Variants in MROH2A observed in about 807,000 individuals in gnomAD.
MROH2A encodes the protein maestro heat like repeat family member 2A.
In MROH2A, 174 loss-of-function variants were observed where a neutral mutation model predicts 200.4. The observed-to-expected ratio is 0.87, with a 90% CI of 0.77 to 0.98. MROH2A has a LOEUF of 0.98. Ranked by LOEUF, MROH2A falls within the 50% of genes least tolerant of loss-of-function variation. The pLI, the probability that MROH2A is intolerant of heterozygous loss-of-function variation, is 0.00. For missense variants in MROH2A, 2,045 were observed against 2,139.6 expected (o/e 0.96, Z 0.87); for synonymous variants, 829 against 840.4 (o/e 0.99, Z 0.23).
intron 29 of MROH2A, 96 bp from the exon 30 acceptor site, chr2:233,819,221 C>T: frequency 2.4e-6 from 3 of 1,263,630 alleles, no homozygotes; most frequent in South Asian, 1.5e-5. Context: ...GGATAGGAGC[C>T]TGGAGTGGGG....
In MROH2A at chr2:233,819,446, C is replaced by A. The variant is rs1459171874; in HGVS notation, c.3334C>A (p.Arg1112=). ...VTWIAFFLQM[R]AKELEDKVAE... is the part of the protein sequence containing the mutation. ...CTGGATAGCCTTCTTCCTCCAGATG[C>A]GGGCCAAGGAGCTGGAGGACAAGGT... is the stretch of plus-strand genomic sequence containing the variant. Residue 1112 remains arginine (R), a synonymous_variant, in exon 30 of 42, where the codon CGG becomes AGG. Coordinates refer to ENST00000389758, the MANE Select transcript of MROH2A (RefSeq NM_001394639.1). 6.5e-6 allele frequency: 10 copies of A among 1,550,246 alleles called. No individual in the cohort carries two copies. Among genetic ancestry groups the A allele is most frequent in the Non-Finnish European group, 8.7e-6 (10 of 1,146,930 alleles).
intron 3 of MROH2A, among the ~76,000 whole-genome samples, chr2:233,782,751 T>C (rs1176944174): frequency 6.6e-6 from 1 of 152,168 alleles, no homozygotes; most frequent in Non-Finnish European, 1.5e-5. Context: ...CAGTATTATG[T>C]TGAAGAGCAG....
intron 19 of MROH2A, among the ~76,000 whole-genome samples, chr2:233,806,637 G>A (rs1575965016): frequency 6.6e-6 from 1 of 152,138 alleles, no homozygotes; most frequent in African/African-American, 2.4e-5. Flanking sequence ...GGAGTAGGTG[G>A]AGAAATTGGT....
intron 31 of MROH2A, among the ~76,000 whole-genome samples, chr2:233,821,563 C>G (rs548221281): frequency 2.6e-4 from 39 of 152,250 alleles, no homozygotes; most frequent in Non-Finnish European, 5.3e-4. Flanking sequence ...GCCCCGCTCT[C>G]TGTGCCTCTG....
chr2:233,791,967 C>T lies in MROH2A; in HGVS notation c.572-829C>T, dbSNP rs535378149. Among the ~76,000 whole-genome samples the T allele has an allele frequency of 2.0e-5, 3 of 152,170 alleles. No homozygotes were observed. The South Asian group carries it at 6.2e-4, about 32-fold the overall frequency. On this transcript the variant is annotated intron_variant, in intron 5 of 41. Transcript: ENST00000389758. Reference sequence around the variant, plus strand: ...GTGGGTGAAGTGGAGGGGCCTGCCTCCTGTTGCAGGGTGGCCTGTTACGGC... The same window carrying T: ...GTGGGTGAAGTGGAGGGGCCTGCCTTCTGTTGCAGGGTGGCCTGTTACGGC...
In MROH2A at chr2:233,789,762, C is replaced by T. The variant is rs1314245153; in HGVS notation, c.409-90C>T. The T allele has an allele frequency of 7.4e-6, 11 of 1,484,272 alleles. No homozygotes were observed. The East Asian group carries it at 2.2e-4, about 30-fold the overall frequency. The allele number at this position is 1,484,272 out of a possible 1,614,324, so 91.9% of individuals were successfully genotyped here. On this transcript the variant is annotated intron_variant, in intron 4 of 41. Transcript: ENST00000389758. ...GGGGTAAGGCTGAGCCCAAGGGAACCAGGAGGGGTGGAGAGAGCCTGGGGT... is the reference window on the plus strand; with the variant it reads ...GGGGTAAGGCTGAGCCCAAGGGAACTAGGAGGGGTGGAGAGAGCCTGGGGT...
In MROH2A at chr2:233,818,843, C is replaced by A. The variant is rs1282073977; in HGVS notation, c.3204+73C>A. 5.2e-6 allele frequency: 5 copies of A among 953,776 alleles called. No homozygotes were observed. The East Asian group carries it at 1.3e-4, about 25-fold the overall frequency. 59.1% of individuals were successfully genotyped at this position (953,776 alleles called of 1,614,324 possible). On this transcript the variant is annotated intron_variant, in intron 29 of 41. Transcript: ENST00000389758. Reference sequence around the variant, plus strand: ...CTTGGCCGTCTCTCAGGGAGGGAGGCCTTCCTGGGCTGGCCTCACAGCCCA... The same window carrying A: ...CTTGGCCGTCTCTCAGGGAGGGAGGACTTCCTGGGCTGGCCTCACAGCCCA...
chr2:233,811,058 T>C lies in MROH2A; in HGVS notation c.2571+142T>C, dbSNP rs6731478. On this transcript the variant is annotated intron_variant, in intron 23 of 41. Transcript: ENST00000389758. ...TGTCTTGGCTCTGCTTTGTCCTAACTGTAGGAGTTCTGAGAATGATTTTTG... is the reference window on the plus strand; with the variant it reads ...TGTCTTGGCTCTGCTTTGTCCTAACCGTAGGAGTTCTGAGAATGATTTTTG... The C allele has an allele frequency of 7.1e-3, 6,682 of 937,448 alleles. 290 individuals are homozygous for C. The African/African-American group carries it at 0.1, about 14-fold the overall frequency. The allele number at this position is 937,448 out of a possible 1,614,324, so 58.1% of individuals were successfully genotyped here.
At position 233,796,308 on chromosome 2, in the gene MROH2A, C is replaced by G. The variant is rs1702106731; in HGVS notation, c.1247C>G (p.Ala416Gly). The stretch of plus-strand genomic sequence containing the variant: ...AATCTGATTAGGGCTATAGTGAGCG[C>G]AGATGGTGAGCAAGGCAGGGTGGGT... ...TLNLIRAIVS[A>G]DEPRMSIRAI... The change falls in exon 11 of 42, where the codon GCA (alanine) becomes GGA (glycine). Residue 416 changes from alanine (A) to glycine (G), a missense_variant. By Grantham distance (60) the Ala-to-Gly change is moderately conservative. Coordinates refer to ENST00000389758, the MANE Select transcript of MROH2A (RefSeq NM_001394639.1). 6 of 847,996 alleles carry G rather than the reference C, an allele frequency of 7.1e-6. No individual in the cohort carries two copies. Among genetic ancestry groups the G allele is most frequent in the Non-Finnish European group, 9.7e-6 (6 of 621,166 alleles). 52.5% of individuals were successfully genotyped at this position (847,996 alleles called of 1,614,324 possible).
At chr2:233,792,718 A>G in intron 5 of MROH2A, 78 bp from the exon 6 acceptor site, 1 of 880,708 alleles carries the variant, frequency 1.1e-6, no homozygotes, top group Non-Finnish European at 1.8e-6. Flanking sequence ...GGTGGAGGGC[A>G]GCAGGGTTGT....
chr2:233,795,626 C>G, intron 8 of MROH2A, 27 bp from the exon 9 acceptor site: 1 of 1,550,828 alleles, frequency 6.4e-7, no homozygotes, highest in Non-Finnish European at 8.7e-7. Context: ...AGAAGGTCAC[C>G]TGCCACCATT....
At chr2:233,808,153 A>C (rs923534479) in intron 21 of MROH2A, among the ~76,000 whole-genome samples, 2 of 152,078 alleles carry the variant, frequency 1.3e-5, no homozygotes, top group Non-Finnish European at 2.9e-5. Context: ...CTGGGTGCTG[A>C]TTGGAAATGT....
At chr2:233,805,885 G>T (rs570378744) in intron 19 of MROH2A, among the ~76,000 whole-genome samples, 1 of 152,212 alleles carries the variant, frequency 6.6e-6, no homozygotes, top group African/African-American at 2.4e-5. Context: ...AATGAAATTG[G>T]ATATCTTCCT....
intron 16 of MROH2A, 38 bp from the exon 17 acceptor site, chr2:233,804,013 C>T (rs1451361459): frequency 6.5e-7 from 1 of 1,545,348 alleles, no homozygotes. Flanking sequence ...GAGCAAGGTG[C>T]TCAGGTGCTA....
At position 233,795,733 on chromosome 2, in the gene MROH2A, A is replaced by G; in HGVS notation, c.1047A>G (p.Glu349=). ...TGCAGCTACACACCATTTTCACAGA[A>G]CTGCACGTCCAGGTGAGGCCAGCAA... The part of the protein sequence containing the change: ...PQMQLHTIFT[E]LHVQVCNKAP... Residue 349 remains glutamate, a synonymous_variant, in exon 9 of 42, where the codon GAA becomes GAG. Coordinates refer to ENST00000389758, the MANE Select transcript of MROH2A (RefSeq NM_001394639.1). 2 of 1,551,064 alleles carry G rather than the reference A, an allele frequency of 1.3e-6. No homozygotes were observed. Among genetic ancestry groups the G allele is most frequent in the Non-Finnish European group, 1.7e-6 (2 of 1,147,080 alleles).
rs1160702709 is a variant in MROH2A at position 233,828,881 on chromosome 2, C to A, written c.4264-9C>A. 2.6e-6 allele frequency: 4 copies of A among 1,550,354 alleles called. No homozygotes were observed. In the South Asian group the frequency reaches 4.8e-5, roughly 18 times the overall value. On this transcript the variant is annotated splice_polypyrimidine_tract_variant and intron_variant, in intron 36 of 41. Coordinates refer to ENST00000389758, the MANE Select transcript of MROH2A (RefSeq NM_001394639.1). The surrounding 1 kb of genome is among the most constrained non-coding windows in gnomAD (Gnocchi z 4.6). The stretch of plus-strand genomic sequence containing the variant: ...GGGTGCAGGCTGAGGGCTGCCCATG[C>A]CCCTCCAGGTGAAGCAGTACCGGAA...
rs1471817066 is a variant in MROH2A at position 233,828,862 on chromosome 2, A to G, written c.4264-28A>G. 6.5e-7 allele frequency: 1 copy of G among 1,550,106 alleles called. No individual in the cohort carries two copies. The highest frequency in any genetic ancestry group is 8.7e-7 in the Non-Finnish European group (1 of 1,146,818). On this transcript the variant is annotated intron_variant, in intron 36 of 41. Transcript: ENST00000389758. This position sits in a 1 kb window ranked among gnomAD's most constrained non-coding sequence, Gnocchi z 4.6. Reference sequence around the variant, plus strand: ...CTGGTCAGCCTGGGAGGGAGGGTGCAGGCTGAGGGCTGCCCATGCCCCTCC... The same window carrying G: ...CTGGTCAGCCTGGGAGGGAGGGTGCGGGCTGAGGGCTGCCCATGCCCCTCC...
intron 3 of MROH2A, 21 bp downstream of exon 3, chr2:233,779,873 G>T: frequency 6.5e-7 from 1 of 1,543,592 alleles, no homozygotes; most frequent in Non-Finnish European, 8.7e-7. Context: ...CTTACCCACT[G>T]GGCTCAGCCA....
chr2:233,796,753 T>A (rs1474432985), intron 11 of MROH2A, among the ~76,000 whole-genome samples: 2 of 152,152 alleles, frequency 1.3e-5, no homozygotes, highest in African/African-American at 4.8e-5. Context: ...ACTCTGCCTT[T>A]GTGTGAATTT....
Sources: gnomAD v4.1 joint callset for allele counts (sites outside exome capture counted in the v4.1 genomes callset) on GRCh38, gnomAD v4.1.1 for gene constraint, Gnocchi (gnomAD v3.1) non-coding constraint, MANE v1.5 for transcripts, NCBI Gene and HGNC (gene_info 2026-07-23, HGNC 2026-07-21) for gene names.